ADAMTS2: variants seen among roughly 807,000 people sequenced by gnomAD.
ADAMTS2 encodes the protein A disintegrin and metalloproteinase with thrombospondin motifs 2.
In ADAMTS2, 50 loss-of-function variants were observed where a neutral mutation model predicts 123.0. The observed-to-expected ratio is 0.41, with a 90% CI of 0.32 to 0.51. The LOEUF (loss-of-function observed/expected upper bound fraction) is 0.51, where lower values mean the gene tolerates loss of function less well. Ranked by LOEUF, ADAMTS2 falls within the 20% of genes least tolerant of loss-of-function variation. The probability of loss-of-function intolerance (pLI) is 0.35; values close to 1 mark genes in which losing one functional copy is unlikely to be tolerated. For synonymous variants in ADAMTS2, 678 were observed against 695.4 expected (o/e 0.98, Z 0.39); for missense variants, 1,494 against 1,705.2 (o/e 0.88, Z 2.18).
intron 21 of ADAMTS2, chr5:179,120,391 T>C (rs1289504950): frequency 1.3e-5 from 2 of 152,220 alleles, no homozygotes; most frequent in Admixed American, 6.5e-5. Context: ...AAAGTGCATA[T>C]GCCCAGGACA....
At chr5:179,219,956 G>A (rs1765086588) in intron 3 of ADAMTS2, among the ~76,000 whole-genome samples, 1 of 152,200 alleles carries the variant, frequency 6.6e-6, no homozygotes, top group African/African-American at 2.4e-5. Flanking sequence ...GGCCTTCAGA[G>A]GCTGGGGCGG....
At chr5:179,287,696 G>A (rs1756059961) in intron 2 of ADAMTS2, among the ~76,000 whole-genome samples, 1 of 152,230 alleles carries the variant, frequency 6.6e-6, no homozygotes, top group African/African-American at 2.4e-5. Flanking sequence ...CCCCAGTCTC[G>A]AGGACCCAGG....
rs768019442 is a variant in ADAMTS2, at chr5:179,132,946, G to C, written c.2086-46C>G. On this transcript the variant is annotated intron_variant, in intron 13 of 21. Transcript: ENST00000251582. The surrounding 1 kb of genome is among the most constrained non-coding windows in gnomAD (Gnocchi z 6.1). ...GAGCACTTGAGACGTCCTGCTAGTA[G>C]AGTCAGGGTCATACTATGTTGCCCC... The C allele has an allele frequency of 3.1e-6, 5 of 1,601,936 alleles. No individual in the cohort carries two copies. Among genetic ancestry groups the C allele is most frequent in the Admixed American group, 1.7e-5 (1 of 58,570 alleles).
rs1029080020 is a variant in ADAMTS2, at chr5:179,275,222, T to C, written c.535-2158A>G. ...CGGAACAAAAATGGGTCTGGGGTCCTGGGGAGAAGGTGTTACAGGCACCTG... is the reference window on the plus strand; with the variant it reads ...CGGAACAAAAATGGGTCTGGGGTCCCGGGGAGAAGGTGTTACAGGCACCTG... On this transcript the variant is annotated intron_variant, in intron 2 of 21. Transcript: ENST00000251582. Among the ~76,000 whole-genome samples, 4 of 151,840 alleles carry C rather than the reference T, an allele frequency of 2.6e-5. No homozygotes were observed. In the East Asian group the frequency reaches 5.8e-4, roughly 22 times the overall value.
At chr5:179,328,764 C>T (rs776441660) in intron 2 of ADAMTS2, among the ~76,000 whole-genome samples, 1 of 152,180 alleles carries the variant, frequency 6.6e-6, no homozygotes, top group Non-Finnish European at 1.5e-5. Context: ...ACCCTATTGA[C>T]AATGGCAATA....
At chr5:179,298,539 G>T (rs1752285386) in intron 2 of ADAMTS2, among the ~76,000 whole-genome samples, 1 of 152,190 alleles carries the variant, frequency 6.6e-6, no homozygotes, top group African/African-American at 2.4e-5. Context: ...AACTTCTGTT[G>T]TTTCTAAACA....
rs376996806 is a variant in ADAMTS2, at chr5:179,130,859, G to A, written c.2291-761C>T. Among the ~76,000 whole-genome samples the A allele has an allele frequency of 6.6e-6, 1 of 152,102 alleles. No individual in the cohort carries two copies. Among genetic ancestry groups the A allele is most frequent in the African/African-American group, 2.4e-5 (1 of 41,422 alleles). ...GCCACACGTCCCTGCCTTCTCTCTG[G>A]CCCTTGCTCCCTTTCCACAGAGAGC... On this transcript the variant is annotated intron_variant, in intron 15 of 21. Transcript: ENST00000251582. The surrounding 1 kb of genome is among the most constrained non-coding windows in gnomAD (Gnocchi z 4.3).
intron 3 of ADAMTS2, among the ~76,000 whole-genome samples, chr5:179,219,468 G>A (rs1226360781): frequency 2.0e-5 from 3 of 152,352 alleles, no homozygotes; most frequent in East Asian, 3.9e-4. Context: ...AACGATTGAG[G>A]CATCAGACCA....
chr5:179,269,033 G>A (rs1019192933), intron 3 of ADAMTS2, among the ~76,000 whole-genome samples: 15 of 152,156 alleles, frequency 9.9e-5, no homozygotes, highest in Non-Finnish European at 1.5e-4. Context: ...TGGATTACTC[G>A]GGTGAGTCCT....
At chr5:179,235,912 C>A (rs1354409760) in intron 3 of ADAMTS2, among the ~76,000 whole-genome samples, 1 of 152,238 alleles carries the variant, frequency 6.6e-6, no homozygotes, top group Admixed American at 6.5e-5. Context: ...AGACACCCTG[C>A]AGCCTCAGCC....
chr5:179,322,077 G>T (rs1757197166), intron 2 of ADAMTS2, among the ~76,000 whole-genome samples: 1 of 152,218 alleles, frequency 6.6e-6, no homozygotes, highest in Non-Finnish European at 1.5e-5. Flanking sequence ...ATGGACGTGG[G>T]AGACACACAA....
intron 3 of ADAMTS2, among the ~76,000 whole-genome samples, chr5:179,218,297 T>C (rs1765049576): frequency 6.6e-6 from 1 of 152,192 alleles, no homozygotes; most frequent in African/African-American, 2.4e-5. Context: ...GGTCATCCCC[T>C]CCATTTCTTA....
At chr5:179,292,348 T>C (rs906738436) in intron 2 of ADAMTS2, among the ~76,000 whole-genome samples, 3 of 150,614 alleles carry the variant, frequency 2.0e-5, no homozygotes, top group Non-Finnish European at 4.4e-5. Context: ...CCCCCAGCTG[T>C]GGGAGATATA....
intron 10 of ADAMTS2, among the ~76,000 whole-genome samples, chr5:179,143,925 T>C (rs7711539): frequency 0.39 from 59,372 of 151,992 alleles, 11,752 homozygotes; most frequent in African/African-American, 0.45. Context: ...TCAGAGTCTG[T>C]CATTTCTCCC....
At chr5:179,139,616 G>A (rs573639090) in intron 11 of ADAMTS2, among the ~76,000 whole-genome samples, 13 of 152,234 alleles carry the variant, frequency 8.5e-5, no homozygotes, top group Non-Finnish European at 1.3e-4. Flanking sequence ...CTCCATGCCC[G>A]TGGCCAGGAG....
intron 7 of ADAMTS2, among the ~76,000 whole-genome samples, chr5:179,154,450 T>A (rs1763429457): frequency 6.6e-6 from 1 of 152,154 alleles, no homozygotes; most frequent in Admixed American, 6.5e-5. Flanking sequence ...GACCGTGGCT[T>A]CCCTGCCTCC....
chr5:179,218,528 G>A (rs1765053895), intron 3 of ADAMTS2, among the ~76,000 whole-genome samples: 1 of 152,238 alleles, frequency 6.6e-6, no homozygotes, highest in African/African-American at 2.4e-5. Context: ...TGCTCATTAG[G>A]ATTATTACAT....
intron 2 of ADAMTS2, among the ~76,000 whole-genome samples, chr5:179,298,011 G>A (rs1048097579): frequency 6.6e-6 from 1 of 151,826 alleles, no homozygotes; most frequent in Non-Finnish European, 1.5e-5. Context: ...GGGCCCCGGG[G>A]ACCTCCACAC....
At position 179,162,690 on chromosome 5, in the gene ADAMTS2, TC is replaced by T. The variant is rs1401119762; in HGVS notation, c.976-3812del. 2.0e-5 allele frequency among the ~76,000 whole-genome samples: 3 copies of T among 152,182 alleles called. No homozygotes were observed. Among genetic ancestry groups the T allele is most frequent in the East Asian group, 3.9e-4 (2 of 5,188 alleles). ...CAGTCTGCTTTTGATAGAATCTCAGTCCCGCCTACCGCAGGGCATGGACATT... is the reference window on the plus strand; with the variant it reads ...CAGTCTGCTTTTGATAGAATCTCAGTCCGCCTACCGCAGGGCATGGACATT... On this transcript the variant is annotated intron_variant, in intron 5 of 21. Coordinates refer to ENST00000251582, the MANE Select transcript of ADAMTS2 (RefSeq NM_014244.5). The surrounding 1 kb of genome is among the most constrained non-coding windows in gnomAD (Gnocchi z 5.1).
Sources: allele counts gnomAD v4.1 joint callset (sites outside exome capture counted in the v4.1 genomes callset), GRCh38; gene constraint gnomAD v4.1.1; non-coding constraint Gnocchi (gnomAD v3.1); transcripts MANE v1.5; gene names NCBI Gene and HGNC (gene_info 2026-07-23, HGNC 2026-07-21).